The following GPC6 variants were observed in gnomAD, a reference collection of about 807,000 sequenced individuals.
The protein encoded by GPC6 is glypican 6, also known as glypican-6.
In GPC6, 14 loss-of-function variants were observed where a neutral mutation model predicts 55.2. The observed-to-expected ratio is 0.25, with a 90% CI of 0.17 to 0.40. GPC6 has a LOEUF of 0.40. Among genes scored for constraint, GPC6 ranks in the 10% least tolerant of loss-of-function variants. The pLI is 1.00. For synonymous variants in GPC6, 278 were observed against 259.6 expected, an observed-to-expected ratio of 1.07 and a Z score of -0.68; for missense variants, 641 against 708.5, an observed-to-expected ratio of 0.90 and a Z score of 1.08.
chr13:93,902,083 C>T (rs186842629), intron 3 of GPC6, among the ~76,000 whole-genome samples: 1 of 152,084 alleles, frequency 6.6e-6, no homozygotes, highest in Admixed American at 6.5e-5. Flanking sequence ...AAAATTCTCT[C>T]TTTTAGCTAT....
chr13:93,539,043 A>G (rs1038321429), intron 1 of GPC6, among the ~76,000 whole-genome samples: 2 of 152,136 alleles, frequency 1.3e-5, no homozygotes, highest in African/African-American at 4.8e-5. Flanking sequence ...CGTGTCATCC[A>G]GCATTAGGTA....
At chr13:93,777,779 C>T (rs1461907054) in intron 2 of GPC6, among the ~76,000 whole-genome samples, 1 of 152,172 alleles carries the variant, frequency 6.6e-6, no homozygotes, top group Non-Finnish European at 1.5e-5. Flanking sequence ...TTTGTACCTA[C>T]ATATATCTAT....
chr13:94,367,702 C>A (rs2139188416), intron 6 of GPC6, among the ~76,000 whole-genome samples: 1 of 152,312 alleles, frequency 6.6e-6, no homozygotes, highest in East Asian at 1.9e-4. Flanking sequence ...TCAGACTGAA[C>A]TTTTCAACAC....
chr13:93,471,548 A>G (rs1242624427), intron 1 of GPC6, among the ~76,000 whole-genome samples: 1 of 151,954 alleles, frequency 6.6e-6, no homozygotes, highest in Non-Finnish European at 1.5e-5. Flanking sequence ...ATTTTCTCCT[A>G]TATTTAGCTT....
intron 4 of GPC6, among the ~76,000 whole-genome samples, chr13:94,149,556 T>G (rs1392330140): frequency 1.3e-5 from 2 of 152,138 alleles, no homozygotes; most frequent in African/African-American, 4.8e-5. Context: ...GAGGGACTTC[T>G]GGTGAAACAG....
chr13:93,590,325 G>A (rs1348202594), intron 2 of GPC6, among the ~76,000 whole-genome samples: 1 of 152,150 alleles, frequency 6.6e-6, no homozygotes, highest in Non-Finnish European at 1.5e-5. Flanking sequence ...TCTAATGAAT[G>A]CAGAACTTAA....
At chr13:93,789,421 A>G (rs1228137745) in intron 2 of GPC6, among the ~76,000 whole-genome samples, 1 of 149,896 alleles carries the variant, frequency 6.7e-6, no homozygotes, top group Non-Finnish European at 1.5e-5. Flanking sequence ...TCATTACAGT[A>G]GAGGACTTAA....
chr13:94,251,968 C>T (rs1359248097), intron 4 of GPC6, among the ~76,000 whole-genome samples: 2 of 152,056 alleles, frequency 1.3e-5, no homozygotes, highest in African/African-American at 2.4e-5. Flanking sequence ...ATTCTTCATC[C>T]CTGGCCTGGC....
intron 2 of GPC6, among the ~76,000 whole-genome samples, chr13:93,806,398 C>T (rs186204753): frequency 2.0e-5 from 3 of 152,222 alleles, no homozygotes; most frequent in South Asian, 2.1e-4. Flanking sequence ...AGGGCAATGG[C>T]GCAGTCGCGG....
At chr13:93,627,672 A>G (rs1297907173) in intron 2 of GPC6, among the ~76,000 whole-genome samples, 1 of 148,264 alleles carries the variant, frequency 6.7e-6, no homozygotes, top group Non-Finnish European at 1.5e-5. Flanking sequence ...GTGGAAATTA[A>G]GCTGCTGTTA....
intron 6 of GPC6, among the ~76,000 whole-genome samples, chr13:94,315,594 T>A (rs988536818): frequency 4.6e-5 from 7 of 152,198 alleles, no homozygotes; most frequent in Non-Finnish European, 8.8e-5. Flanking sequence ...TATGTTCCTA[T>A]GTGCCTCACA....
intron 6 of GPC6, among the ~76,000 whole-genome samples, chr13:94,345,977 C>T (rs1878265283): frequency 6.6e-6 from 1 of 152,140 alleles, no homozygotes; most frequent in Non-Finnish European, 1.5e-5. Context: ...CTAGAAGCTT[C>T]TCTAAGCTTC....
At chr13:93,736,061 C>T (rs1033888233) in intron 2 of GPC6, among the ~76,000 whole-genome samples, 3 of 152,122 alleles carry the variant, frequency 2.0e-5, no homozygotes, top group Non-Finnish European at 4.4e-5. Context: ...GTGCTGTGCT[C>T]TTGGCATTCT....
intron 3 of GPC6, among the ~76,000 whole-genome samples, chr13:93,859,837 C>T (rs1888752239): frequency 6.6e-6 from 1 of 151,592 alleles, no homozygotes; most frequent in Admixed American, 6.6e-5. Context: ...AATATATGAA[C>T]TTGAAGAAAA....
intron 2 of GPC6, among the ~76,000 whole-genome samples, chr13:93,644,959 C>G (rs1358526584): frequency 1.3e-5 from 2 of 152,130 alleles, no homozygotes; most frequent in East Asian, 3.9e-4. Context: ...TGGCATTTCA[C>G]TTGAGAACAT....
chr13:93,516,905 A>G (rs1881220204), intron 1 of GPC6, among the ~76,000 whole-genome samples: 1 of 152,100 alleles, frequency 6.6e-6, no homozygotes, highest in Admixed American at 6.6e-5. Context: ...GATCATTACC[A>G]TCAGTAGCTT....
At chr13:94,119,056 A>G (rs1886533930) in intron 4 of GPC6, among the ~76,000 whole-genome samples, 2 of 152,034 alleles carry the variant, frequency 1.3e-5, no homozygotes, top group Admixed American at 6.6e-5. Context: ...GTATATATAT[A>G]TACATTTAAA....
chr13:93,947,645 A>C (rs755613348), intron 3 of GPC6, among the ~76,000 whole-genome samples: 1 of 152,240 alleles, frequency 6.6e-6, no homozygotes, highest in Non-Finnish European at 1.5e-5. Context: ...CATATTAATA[A>C]ATACAATCAA....
chr13:93,813,124 A>G (rs1158979347), intron 2 of GPC6, among the ~76,000 whole-genome samples: 4 of 152,220 alleles, frequency 2.6e-5, no homozygotes, highest in Non-Finnish European at 5.9e-5. Context: ...TAGTTTCTGT[A>G]TCTCAGTAAA....
Sources: allele counts gnomAD v4.1 joint callset (sites outside exome capture counted in the v4.1 genomes callset), GRCh38; gene constraint gnomAD v4.1.1; transcripts MANE v1.5; gene names NCBI Gene and HGNC (gene_info 2026-07-23, HGNC 2026-07-21).